Variants in SDK1 observed in about 807,000 individuals in gnomAD.
SDK1 encodes the protein sidekick cell adhesion molecule 1.
Under a neutral mutation model 245.5 loss-of-function variants are expected in SDK1, and 157 were observed. The observed-to-expected ratio is 0.64, with a 90% CI of 0.56 to 0.73. The LOEUF is 0.73. SDK1 is among the 30% of genes least tolerant of loss of function. The pLI, the probability that SDK1 is intolerant of heterozygous loss-of-function variation, is 0.00. For missense variants in SDK1, 3,583 were observed against 3,002.3 expected (o/e 1.19, Z -4.52); for synonymous variants, 1,647 against 1,278.5 (o/e 1.29, Z -6.15).
rs1178159173 is a variant in SDK1, at chr7:4,139,607, G to C, written c.4229-6115G>C. Among the ~76,000 whole-genome samples, 136 of 69,090 alleles carry C rather than the reference G, an allele frequency of 2.0e-3. 7 individuals are homozygous for C. The highest frequency in any genetic ancestry group is 6.6e-3 in the African/African-American group (124 of 18,798). The allele number at this position is 69,090 out of a possible 152,430, so 45.3% of individuals were successfully genotyped here. On this transcript the variant is annotated intron_variant, in intron 28 of 44. Transcript: ENST00000404826. The stretch of plus-strand genomic sequence containing the variant: ...TATGTGTGTGTATATGTATATATGT[G>C]TGTGTATATGTGTGTGTGTATATGT...
chr7:3,709,335 T>G lies in SDK1; in HGVS notation c.713+67230T>G, dbSNP rs539894976. 4.6e-5 allele frequency among the ~76,000 whole-genome samples: 7 copies of G among 152,334 alleles called. No homozygotes were observed. The South Asian group carries it at 1.5e-3, about 32-fold the overall frequency. On this transcript the variant is annotated intron_variant, in intron 4 of 44. Coordinates refer to ENST00000404826, the MANE Select transcript of SDK1 (RefSeq NM_152744.4). Reference sequence around the variant, plus strand: ...TGATAGAAGTCAGGAATGGTTTCCCTCCATCCATGCTGGAGACTGGGCATG... The same window carrying G: ...TGATAGAAGTCAGGAATGGTTTCCCGCCATCCATGCTGGAGACTGGGCATG...
At chr7:4,182,923 C>A (rs1002352525) in intron 35 of SDK1, among the ~76,000 whole-genome samples, 6 of 152,198 alleles carry the variant, frequency 3.9e-5, no homozygotes, top group African/African-American at 1.2e-4. Flanking sequence ...TCACTGAGCC[C>A]ATGGTATTGC....
intron 2 of SDK1, among the ~76,000 whole-genome samples, chr7:3,620,764 G>A (rs1211812258): frequency 1.3e-5 from 2 of 152,038 alleles, no homozygotes; most frequent in African/African-American, 4.8e-5. Flanking sequence ...ACACTCCCTG[G>A]TTCTCCTCGG....
chr7:4,140,929 C>T lies in SDK1; in HGVS notation c.4229-4793C>T, dbSNP rs183837536. Among the ~76,000 whole-genome samples the T allele has an allele frequency of 1.4e-3, 213 of 152,172 alleles. 1 individual carries two copies. The highest frequency in any genetic ancestry group is 3.2e-3 in the Admixed American group (49 of 15,286). On this transcript the variant is annotated intron_variant, in intron 28 of 44. Transcript: ENST00000404826. ...CCAGCCTGTGCAACATAGTGAGACC[C>T]CATCTCTATTTTAAATTTTTAAAAA...
chr7:4,194,251 T>C (rs765720403), intron 35 of SDK1, among the ~76,000 whole-genome samples: 2 of 150,644 alleles, frequency 1.3e-5, no homozygotes, highest in Non-Finnish European at 2.9e-5. Flanking sequence ...TATAGATATA[T>C]GTATGCACGT....
Position 4,208,096 on chromosome 7 carries a change from C to A in SDK1, c.5215-3C>A. ...CACCCCAACCTCTTGCTGTTCCTAA[C>A]AGATTTACTACTGGGAGGCAGACAG... On this transcript the variant is annotated splice_region_variant and splice_polypyrimidine_tract_variant and intron_variant, in intron 36 of 44. Transcript: ENST00000404826. 6 of 1,609,714 alleles carry A rather than the reference C, an allele frequency of 3.7e-6. No individual in the cohort carries two copies. Among genetic ancestry groups the A allele is most frequent in the Non-Finnish European group, 5.1e-6 (6 of 1,177,780 alleles).
chr7:3,700,899 A>G (rs187453832), intron 4 of SDK1, among the ~76,000 whole-genome samples: 7 of 151,910 alleles, frequency 4.6e-5, no homozygotes, highest in African/African-American at 1.4e-4. Flanking sequence ...AAAGGTGGGT[A>G]TTATAGGAAC....
chr7:4,079,327 A>C, intron 21 of SDK1, 136 bp from the exon 22 acceptor site: 3 of 1,119,886 alleles, frequency 2.7e-6, no homozygotes, highest in Non-Finnish European at 3.9e-6. Flanking sequence ...TCTCACCTTC[A>C]TGGTTTTGAG....
intron 18 of SDK1, among the ~76,000 whole-genome samples, chr7:4,050,465 A>G (rs1789366814): frequency 6.6e-6 from 1 of 152,196 alleles, no homozygotes; most frequent in African/African-American, 2.4e-5. Context: ...TGTTCGTTTG[A>G]TGACTTCGCT....
chr7:3,764,931 C>T (rs1184129616), intron 4 of SDK1, among the ~76,000 whole-genome samples: 3 of 151,934 alleles, frequency 2.0e-5, no homozygotes, highest in Admixed American at 2.0e-4. Flanking sequence ...TATTATTTTT[C>T]ATAAAACATG....
chr7:3,739,931 C>A (rs1392441033), intron 4 of SDK1, among the ~76,000 whole-genome samples: 1 of 152,196 alleles, frequency 6.6e-6, no homozygotes, highest in South Asian at 2.1e-4. Context: ...TATATTGCTT[C>A]TGTCTGTTAA....
intron 1 of SDK1, among the ~76,000 whole-genome samples, chr7:3,315,279 G>C (rs1779637207): frequency 6.6e-6 from 1 of 152,186 alleles, no homozygotes; most frequent in Non-Finnish European, 1.5e-5. Context: ...CTTGGCATCA[G>C]GCATTGTGCT....
chr7:3,601,217 A>C (rs1463239956), intron 1 of SDK1, among the ~76,000 whole-genome samples: 1 of 152,176 alleles, frequency 6.6e-6, no homozygotes, highest in African/African-American at 2.4e-5. Context: ...ATATCAAGGT[A>C]GTAATAGTCT....
intron 40 of SDK1, among the ~76,000 whole-genome samples, chr7:4,231,471 A>T (rs1159110459): frequency 6.6e-6 from 1 of 151,600 alleles, no homozygotes; most frequent in Non-Finnish European, 1.5e-5. Flanking sequence ...TATCCAGGAG[A>T]CTGAGGCAGG....
At chr7:3,354,835 T>C (rs1780749944) in intron 1 of SDK1, among the ~76,000 whole-genome samples, 1 of 152,244 alleles carries the variant, frequency 6.6e-6, no homozygotes, top group African/African-American at 2.4e-5. Flanking sequence ...ATGAAGCAGC[T>C]AACCAAGGAA....
At chr7:3,442,037 T>TA (rs749404828) in intron 1 of SDK1, among the ~76,000 whole-genome samples, 2 of 152,170 alleles carry the variant, frequency 1.3e-5, no homozygotes, top group African/African-American at 2.4e-5. Context: ...AGTTGACCGT[T>TA]ACGTGTACTC....
At chr7:3,650,057 TA>T (rs34280637) in intron 4 of SDK1, among the ~76,000 whole-genome samples, 36,988 of 151,084 alleles carry the variant, frequency 0.24, 5,010 homozygotes, top group Non-Finnish European at 0.31. Context: ...AAACATAGTT[TA>T]AAAAAAATAG....
intron 5 of SDK1, among the ~76,000 whole-genome samples, chr7:3,924,443 G>A (rs1481073498): frequency 3.3e-5 from 5 of 152,208 alleles, no homozygotes; most frequent in Non-Finnish European, 5.9e-5. Flanking sequence ...TGAGCACGTC[G>A]TGGTGACGGG....
chr7:4,011,427 C>T (rs1280706362), intron 15 of SDK1, among the ~76,000 whole-genome samples: 4 of 152,188 alleles, frequency 2.6e-5, no homozygotes, highest in Middle Eastern at 3.2e-3. Context: ...ACATGTTTTC[C>T]GTGTTCTTTG....
Sources: allele counts gnomAD v4.1 joint callset (sites outside exome capture counted in the v4.1 genomes callset), GRCh38; gene constraint gnomAD v4.1.1; transcripts MANE v1.5; gene names NCBI Gene and HGNC (gene_info 2026-07-23, HGNC 2026-07-21).